ERC1: variants seen among roughly 807,000 people sequenced by gnomAD.
ERC1 encodes RAB6 interacting protein 2.
In ERC1, 56 loss-of-function variants were observed where a neutral mutation model predicts 132.0. The ratio of observed to expected loss-of-function variants is 0.42; its 90% CI spans 0.34 to 0.53. The LOEUF (loss-of-function observed/expected upper bound fraction) is 0.53. Among genes scored for constraint, ERC1 ranks in the 20% least tolerant of loss-of-function variants. ERC1 has a pLI of 0.03. For synonymous variants in ERC1, 478 were observed against 476.1 expected, an observed-to-expected ratio of 1.00 and a Z score of -0.05; for missense variants, 1,202 against 1,349.9, an observed-to-expected ratio of 0.89 and a Z score of 1.72.
intron 18 of ERC1, among the ~76,000 whole-genome samples, chr12:1,452,702 ACTTT>A (rs989720216): frequency 1.9e-4 from 29 of 152,250 alleles, no homozygotes; most frequent in African/African-American, 5.8e-4. Flanking sequence ...ACTTAAGTTC[ACTTT>A]CTTTTTGTGT....
intron 7 of ERC1, among the ~76,000 whole-genome samples, chr12:1,123,951 A>G (rs1307248366): frequency 1.3e-5 from 2 of 152,216 alleles, no homozygotes; most frequent in South Asian, 4.1e-4. Flanking sequence ...AGCTAAGATC[A>G]TACCCCTGGG....
intron 16 of ERC1, among the ~76,000 whole-genome samples, chr12:1,403,802 T>C (rs2091269062): frequency 6.6e-6 from 1 of 152,234 alleles, no homozygotes; most frequent in Non-Finnish European, 1.5e-5. Context: ...ATATCAGATA[T>C]TAAAGATTGT....
intron 14 of ERC1, among the ~76,000 whole-genome samples, chr12:1,285,870 C>T (rs541341745): frequency 6.6e-6 from 1 of 152,278 alleles, no homozygotes; most frequent in African/African-American, 2.4e-5. Flanking sequence ...TGTCTCAATC[C>T]TGAACATGTA....
intron 1 of ERC1, among the ~76,000 whole-genome samples, chr12:994,066 CAAAA>C (rs72073964): frequency 1.2e-4 from 8 of 64,262 alleles, no homozygotes; most frequent in African/African-American, 3.5e-4. Flanking sequence ...AACTCCGTCT[CAAAA>C]AAAAAAAAAA....
chr12:1,262,248 C>T (rs2077188582), intron 13 of ERC1, among the ~76,000 whole-genome samples: 1 of 152,228 alleles, frequency 6.6e-6, no homozygotes, highest in Admixed American at 6.5e-5. Context: ...CTCCATCCCA[C>T]TTGAACTCTT....
Position 1,440,459 on chromosome 12 carries a change from G to A in ERC1, c.3025-4103G>A, listed in dbSNP as rs1025558846. Among the ~76,000 whole-genome samples the A allele has an allele frequency of 7.4e-5, 11 of 149,228 alleles. 1 individual carries two copies. In the South Asian group the frequency reaches 8.5e-4, roughly 11 times the overall value. On this transcript the variant is annotated intron_variant, in intron 17 of 18. Coordinates refer to ENST00000360905, the MANE Select transcript of ERC1 (RefSeq NM_178040.4). ...CTGACCTCGTGATCTGCCCTCCTTG[G>A]CCTCCCAAAGTGCTGCGATTACAGG... is the stretch of plus-strand genomic sequence containing the variant.
At chr12:1,485,192 T>TTTATA (rs2154433355) in intron 18 of ERC1, among the ~76,000 whole-genome samples, 1 of 142,906 alleles carries the variant, frequency 7.0e-6, no homozygotes, top group East Asian at 2.0e-4. Flanking sequence ...CCTGGTCAAG[T>TTTATA]TTATATTTCT....
At chr12:1,251,337 T>C (rs2076459490) in intron 13 of ERC1, among the ~76,000 whole-genome samples, 1 of 152,174 alleles carries the variant, frequency 6.6e-6, no homozygotes, top group African/African-American at 2.4e-5. Context: ...TTTCTAGAAC[T>C]TTTCCTTCAC....
intron 18 of ERC1, among the ~76,000 whole-genome samples, chr12:1,487,531 C>T (rs189713518): frequency 0.022 from 1,182 of 53,340 alleles, 13 homozygotes; most frequent in African/African-American, 0.049. Flanking sequence ...ATAGTTAGAC[C>T]GCACCTCTAA....
chr12:1,052,412 G>T (rs1323846940), intron 2 of ERC1, among the ~76,000 whole-genome samples: 1 of 152,150 alleles, frequency 6.6e-6, no homozygotes, highest in Non-Finnish European at 1.5e-5. Context: ...TATTAATTAT[G>T]AATAAATATT....
chr12:1,143,376 G>A (rs1950038565), intron 8 of ERC1, among the ~76,000 whole-genome samples: 1 of 130,362 alleles, frequency 7.7e-6, no homozygotes. Flanking sequence ...GTGTGTGTGT[G>A]TGTGTTCAGA....
chr12:1,297,921 G>A (rs529894074), intron 15 of ERC1, among the ~76,000 whole-genome samples: 14 of 152,160 alleles, frequency 9.2e-5, no homozygotes, highest in South Asian at 2.1e-4. Context: ...TCTTACGTTC[G>A]TGAAGTAGAA....
chr12:1,264,480 C>T (rs1283677704), intron 14 of ERC1, among the ~76,000 whole-genome samples: 5 of 151,934 alleles, frequency 3.3e-5, no homozygotes, highest in South Asian at 2.1e-4. Context: ...CTGGCTAACA[C>T]GGTGAAACCC....
intron 16 of ERC1, among the ~76,000 whole-genome samples, chr12:1,402,480 A>G (rs866421068): frequency 5.1e-4 from 78 of 152,152 alleles, no homozygotes; most frequent in African/African-American, 1.8e-3. Flanking sequence ...CCGAGATCAC[A>G]CCACTGCACT....
intron 17 of ERC1, among the ~76,000 whole-genome samples, chr12:1,440,238 T>A (rs992857341): frequency 2.1e-5 from 3 of 145,244 alleles, no homozygotes; most frequent in Admixed American, 1.4e-4. Flanking sequence ...AGAGTCTTGC[T>A]CTGTCGCCCA....
chr12:1,292,631 C>T (rs2079535595), intron 15 of ERC1, among the ~76,000 whole-genome samples: 1 of 152,082 alleles, frequency 6.6e-6, no homozygotes, highest in African/African-American at 2.4e-5. Context: ...TTCATATGTA[C>T]CTAAGAAGAG....
intron 14 of ERC1, among the ~76,000 whole-genome samples, chr12:1,272,441 T>A (rs932780388): frequency 6.6e-6 from 1 of 152,220 alleles, no homozygotes; most frequent in Non-Finnish European, 1.5e-5. Context: ...ATACTGTGAC[T>A]CAAGGAAATT....
chr12:1,071,202 C>T (rs1340631198), intron 2 of ERC1, among the ~76,000 whole-genome samples: 2 of 152,296 alleles, frequency 1.3e-5, no homozygotes, highest in East Asian at 1.9e-4. Context: ...TTTCATTTCT[C>T]TTGGGGTGAT....
At chr12:1,272,581 AGTCT>A (rs1349562621) in intron 14 of ERC1, among the ~76,000 whole-genome samples, 1 of 152,330 alleles carries the variant, frequency 6.6e-6, no homozygotes, top group Admixed American at 6.5e-5. Context: ...ATTCTCTGAG[AGTCT>A]GTCTTAGATC....
Sources: gnomAD v4.1 joint callset for allele counts (sites outside exome capture counted in the v4.1 genomes callset) on GRCh38, gnomAD v4.1.1 for gene constraint, MANE v1.5 for transcripts, NCBI Gene and HGNC (gene_info 2026-07-23, HGNC 2026-07-21) for gene names.